Variants in SP140 observed in about 807,000 individuals in gnomAD.
SP140 encodes the protein nuclear body protein SP140.
SP140 carries 81 observed loss-of-function variants against 125.0 expected under a neutral mutation model. That is an observed-to-expected ratio of 0.65 (90% confidence interval 0.54 to 0.78). The LOEUF is 0.78. SP140 is among the 30% of genes least tolerant of loss of function. The pLI is 0.00. For synonymous variants in SP140, 312 were observed against 354.0 expected, an observed-to-expected ratio of 0.88 and a Z score of 1.33; for missense variants, 858 against 1,037.0, an observed-to-expected ratio of 0.83 and a Z score of 2.37.
intron 18 of SP140, among the ~76,000 whole-genome samples, chr2:230,288,464 T>A (rs2056691740): frequency 3.4e-5 from 2 of 59,004 alleles, no homozygotes; most frequent in African/African-American, 1.3e-4. Flanking sequence ...TATCTTTCTT[T>A]CTTTCTTTCT....
Position 230,312,921 on chromosome 2 carries a change from T to C in SP140, c.*237T>C, listed in dbSNP as rs2059434335. On this transcript the variant is annotated 3_prime_UTR_variant, in exon 27 of 27. Coordinates refer to ENST00000392045, the MANE Select transcript of SP140 (RefSeq NM_007237.5). ...GTAAGTGGGATCACAGGGAAGGATG[T>C]TGGCAGCGACACCATCCCATACAGG... 6 of 401,400 alleles carry C rather than the reference T, an allele frequency of 1.5e-5. No individual in the cohort carries two copies. The East Asian group carries it at 3.0e-4, about 20-fold the overall frequency. 24.9% of individuals were successfully genotyped at this position (401,400 alleles called of 1,614,324 possible). A position where few individuals can be genotyped will look rare whatever the true frequency, so the allele number is the denominator to read the frequency against.
At chr2:230,221,947 G>A (rs938751402), upstream of SP140, among the ~76,000 whole-genome samples, 6 of 152,224 alleles carry the variant, frequency 3.9e-5, no homozygotes, top group Non-Finnish European at 8.8e-5. Flanking sequence ...ATGCTTGGCT[G>A]GGCACAGTGG....
chr2:230,233,759 T>C (rs1462867490), intron 1 of SP140, among the ~76,000 whole-genome samples: 1 of 152,254 alleles, frequency 6.6e-6, no homozygotes, highest in Non-Finnish European at 1.5e-5. Context: ...TTTACATTTT[T>C]ATACGTCTTT....
Position 230,244,951 on chromosome 2 carries a change from G to A in SP140, c.572-37G>A, listed in dbSNP as rs538898400. 83 of 1,448,818 alleles carry A rather than the reference G, an allele frequency of 5.7e-5. No individual in the cohort carries two copies. The Middle Eastern group carries it at 9.0e-4, about 16-fold the overall frequency. The allele number at this position is 1,448,818 out of a possible 1,614,324, so 89.7% of individuals were successfully genotyped here. ...CAGGATTCAGCAGGAGCATCCTGAG[G>A]TCTGTGCTCTCATCACTGTGCCTTG... On this transcript the variant is annotated intron_variant, in intron 5 of 26. Transcript: ENST00000392045.
At chr2:230,218,744 GCAAGATA>G (rs1456095904) in intron 3 of SP140, among the ~76,000 whole-genome samples, 1 of 152,158 alleles carries the variant, frequency 6.6e-6, no homozygotes, top group Non-Finnish European at 1.5e-5. Context: ...TTCTTTCTAT[GCAAGATA>G]CTACATCTCA....
At chr2:230,241,350 G>T (rs934607754) in intron 3 of SP140, 54 bp from the exon 4 acceptor site, 2 of 1,097,662 alleles carry the variant, frequency 1.8e-6, no homozygotes, top group Non-Finnish European at 2.8e-6. Flanking sequence ...GCACACTGAG[G>T]TCTCTCCTCT....
intron 7 of SP140, among the ~76,000 whole-genome samples, chr2:230,247,475 C>T (rs902600588): frequency 3.9e-5 from 6 of 152,140 alleles, no homozygotes; most frequent in African/African-American, 1.4e-4. Context: ...CCATTTCCTT[C>T]CACCCCAACA....
At chr2:230,283,324 C>T (rs1038866599) in intron 15 of SP140, among the ~76,000 whole-genome samples, 6 of 152,200 alleles carry the variant, frequency 3.9e-5, no homozygotes, top group African/African-American at 1.2e-4. Flanking sequence ...AGTGGCTGTA[C>T]CTTCATCTTT....
chr2:230,270,235 A>G (rs1046724312), intron 14 of SP140, among the ~76,000 whole-genome samples: 11 of 152,220 alleles, frequency 7.2e-5, no homozygotes, highest in Non-Finnish European at 1.3e-4. Flanking sequence ...CCAATCTTCC[A>G]TGAAGCCCAG....
At chr2:230,310,469 C>A in intron 23 of SP140, 1 of 705,402 alleles carries the variant, frequency 1.4e-6, no homozygotes, top group Non-Finnish European at 2.3e-6. Flanking sequence ...AGACAGGGTT[C>A]CCTGTGCTCC....
At chr2:230,276,733 G>T (rs564780589) in intron 15 of SP140, among the ~76,000 whole-genome samples, 9 of 152,252 alleles carry the variant, frequency 5.9e-5, no homozygotes, top group African/African-American at 2.2e-4. Flanking sequence ...CTTCTGGAAA[G>T]GATTCACCAT....
chr2:230,222,510 G>C (rs973423110), upstream of SP140, among the ~76,000 whole-genome samples: 14 of 152,226 alleles, frequency 9.2e-5, no homozygotes, highest in African/African-American at 3.4e-4. Context: ...CTTGAGCCCA[G>C]GTGTTTGAGA....
chr2:230,216,435 A>G (rs2045186002), intron 3 of SP140, among the ~76,000 whole-genome samples: 1 of 152,180 alleles, frequency 6.6e-6, no homozygotes, highest in Non-Finnish European at 1.5e-5. Context: ...ACCAGAAGCT[A>G]GGAGATAGGC....
chr2:230,267,756 C>T (rs978968577), intron 12 of SP140, among the ~76,000 whole-genome samples: 1 of 152,120 alleles, frequency 6.6e-6, no homozygotes, highest in Non-Finnish European at 1.5e-5. Context: ...ATGGTGTGTT[C>T]CACATGAATG....
chr2:230,195,900 C>G, the SP140 span, among the ~76,000 whole-genome samples: 1 of 151,804 alleles, frequency 6.6e-6, no homozygotes. Context: ...TTAGATAAAG[C>G]AAAAGATGAA....
At chr2:230,294,197 A>AG in intron 20 of SP140, 74 bp from the exon 21 acceptor site, 1 of 1,171,038 alleles carries the variant, frequency 8.5e-7, no homozygotes. Flanking sequence ...AATATTTGGG[A>AG]GGAGGTTGGA....
At chr2:230,225,995 C>A in intron 1 of SP140, 92 bp downstream of exon 1, 1 of 940,900 alleles carries the variant, frequency 1.1e-6, no homozygotes, top group Non-Finnish European at 1.6e-6. Flanking sequence ...CTTCACTCTA[C>A]AGGTATACAA....
intron 22 of SP140, among the ~76,000 whole-genome samples, chr2:230,302,708 C>G (rs551539835): frequency 6.6e-6 from 1 of 152,268 alleles, no homozygotes; most frequent in East Asian, 1.9e-4. Context: ...ATAGCAAGTA[C>G]TCTCTCAGAC....
chr2:230,249,596 T>C (rs1432523229), intron 9 of SP140, among the ~76,000 whole-genome samples: 1 of 151,872 alleles, frequency 6.6e-6, no homozygotes, highest in Non-Finnish European at 1.5e-5. Flanking sequence ...AGAAGACACA[T>C]AGAAAGGTGA....
Sources: allele counts gnomAD v4.1 joint callset (sites outside exome capture counted in the v4.1 genomes callset), GRCh38; gene constraint gnomAD v4.1.1; transcripts MANE v1.5; gene names NCBI Gene and HGNC (gene_info 2026-07-23, HGNC 2026-07-21).